Variants in F8 observed in about 807,000 individuals in gnomAD.
The protein encoded by F8 is antihemophilic factor.
In F8, 12 loss-of-function variants were observed where a neutral mutation model predicts 140.6. The ratio of observed to expected loss-of-function variants is 0.09; its 90% CI spans 0.05 to 0.14. The LOEUF (loss-of-function observed/expected upper bound fraction) is 0.14, where lower values mean the gene tolerates loss of function less well. Among genes scored for constraint, F8 ranks in the 10% least tolerant of loss-of-function variants. The pLI, the probability that F8 is intolerant of heterozygous loss-of-function variation, is 1.00. For missense variants in F8, 1,354 were observed against 1,720.7 expected (o/e 0.79, Z 3.77); for synonymous variants, 585 against 614.6 (o/e 0.95, Z 0.71).
Position 154,931,463 on chromosome X carries a change from T to G in F8, c.2327A>C (p.Asn776Thr). Reference sequence around the variant, plus strand: ...GTCATTTTCTGGAATTGTGGTGGCATTAAATTGCTTTTGCCTAGTGCTAGG... The same window carrying G: ...GTCATTTTCTGGAATTGTGGTGGCAGTAAATTGCTTTTGCCTAGTGCTAGG... ...RHPSTRQKQFNATTIPENDIE... is the reference protein window; with the variant it reads ...RHPSTRQKQFTATTIPENDIE... The change falls in exon 14 of 26, where the codon AAT becomes ACT. Residue 776 changes from asparagine to threonine, a missense_variant. By Grantham distance (65) the Asn-to-Thr change is moderately conservative. Around this residue, in one of 4 missense-constraint regions of F8, gnomAD observed 658 missense variants for 666.5 expected, o/e 0.99. Transcript: ENST00000360256. 18 of 1,211,323 alleles carry G rather than the reference T, an allele frequency of 1.5e-5. No homozygotes were observed. The highest frequency in any genetic ancestry group is 2.0e-5 in the Non-Finnish European group (18 of 894,943).
At chrX:154,945,158 T>A (rs968034386) in intron 13 of F8, among the ~76,000 whole-genome samples, 1 of 110,376 alleles carries the variant, frequency 9.1e-6, no homozygotes, top group Non-Finnish European at 1.9e-5. Flanking sequence ...ACCCTAAAAC[T>A]TAATGTATAA....
At chrX:154,953,155 CAT>C (rs1270715475) in intron 12 of F8, among the ~76,000 whole-genome samples, 2 of 111,740 alleles carry the variant, frequency 1.8e-5, no homozygotes, top group Non-Finnish European at 3.8e-5. Flanking sequence ...AATATATACA[CAT>C]GTGTATGTAT....
chrX:154,905,563 A>G (rs1277927407), intron 15 of F8, among the ~76,000 whole-genome samples: 4 of 111,952 alleles, frequency 3.6e-5, no homozygotes, highest in African/African-American at 6.5e-5. Context: ...ATATTTTCAG[A>G]AAAAAATAAA....
intron 25 of F8, among the ~76,000 whole-genome samples, chrX:154,848,510 C>A (rs2072588791): frequency 8.9e-6 from 1 of 112,652 alleles, no homozygotes; most frequent in South Asian, 3.6e-4. Context: ...CCCTGCCTTG[C>A]AGCCACCTTG....
intron 13 of F8, among the ~76,000 whole-genome samples, chrX:154,945,157 C>T (rs2124078117): frequency 9.1e-6 from 1 of 110,431 alleles, no homozygotes; most frequent in Non-Finnish European, 1.9e-5. Flanking sequence ...TACCCTAAAA[C>T]TTAATGTATA....
intron 1 of F8, among the ~76,000 whole-genome samples, chrX:155,018,074 G>T (rs1481734050): frequency 2.8e-5 from 3 of 107,472 alleles, no homozygotes; most frequent in African/African-American, 1.0e-4. Flanking sequence ...TGCCATGTTG[G>T]CTAGGCTGGT....
At chrX:155,015,285 T>C (rs1344601933) in intron 1 of F8, among the ~76,000 whole-genome samples, 11 of 111,613 alleles carry the variant, frequency 9.9e-5, no homozygotes, top group South Asian at 3.7e-4. Flanking sequence ...GAACTTGAGG[T>C]GGGCAAAGAT....
chrX:154,940,773 G>A (rs782377827), intron 13 of F8, among the ~76,000 whole-genome samples: 3 of 111,950 alleles, frequency 2.7e-5, no homozygotes, highest in South Asian at 7.4e-4. Flanking sequence ...CAGAAAGGTC[G>A]GGTTACCCAC....
In F8 at chrX:154,985,855, G is replaced by A. The variant is rs1224014346; in HGVS notation, c.671-1052C>T. Reference sequence around the variant, plus strand: ...AAAGAGTGATATAATAAAGATGAGAGTAGGGTGTTACAGGGAGCAGAGAGG... The same window carrying A: ...AAAGAGTGATATAATAAAGATGAGAATAGGGTGTTACAGGGAGCAGAGAGG... On this transcript the variant is annotated intron_variant, in intron 5 of 25. Transcript: ENST00000360256. 3.6e-5 allele frequency among the ~76,000 whole-genome samples: 4 copies of A among 112,567 alleles called. No individual in the cohort carries two copies. In the Admixed American group the frequency reaches 3.8e-4, roughly 11 times the overall value.
At chrX:154,921,890 GAAGA>G (rs2073133242) in intron 14 of F8, among the ~76,000 whole-genome samples, 1 of 103,392 alleles carries the variant, frequency 9.7e-6, no homozygotes, top group East Asian at 3.4e-4. Flanking sequence ...GGGGTGGGGG[GAAGA>G]GGGAGGGATA....
intron 14 of F8, among the ~76,000 whole-genome samples, chrX:154,910,744 G>A (rs937396545): frequency 5.4e-5 from 6 of 110,789 alleles, no homozygotes; most frequent in Admixed American, 3.8e-4. Context: ...CCCCCAGCCC[G>A]ACACCCGTAA....
intron 22 of F8, among the ~76,000 whole-genome samples, chrX:154,870,250 A>G (rs1232949482): frequency 4.5e-5 from 5 of 112,135 alleles, no homozygotes; most frequent in Non-Finnish European, 7.5e-5. Flanking sequence ...CAAAAAAAGA[A>G]AATTTCAGGC....
chrX:154,972,312 T>C (rs1345065957), intron 6 of F8, among the ~76,000 whole-genome samples: 7 of 112,021 alleles, frequency 6.2e-5, no homozygotes, highest in African/African-American at 2.3e-4. Flanking sequence ...TGGCCATTTG[T>C]AGGTCTCTTT....
Position 154,956,972 on chromosome X carries a change from A to G in F8, c.1737T>C (p.Asp579=). Residue 579 remains aspartate (D), a synonymous_variant, in exon 11 of 26, where the codon GAT becomes GAC. Coordinates refer to ENST00000360256, the MANE Select transcript of F8 (RefSeq NM_000132.4). ...PLLICYKESV[D]QRGNQIMSDK... ...AAGAACTCACCTGGTTTCCTCTTTGATCTACAGATTCTTTGTAGCAGATGA... is the reference window on the plus strand; with the variant it reads ...AAGAACTCACCTGGTTTCCTCTTTGGTCTACAGATTCTTTGTAGCAGATGA... The G allele has an allele frequency of 5.0e-6, 6 of 1,210,616 alleles. No individual in the cohort carries two copies. The highest frequency in any genetic ancestry group is 6.7e-6 in the Non-Finnish European group (6 of 894,314).
rs1049896496 is a variant in F8, at chrX:154,969,530, T to C, written c.810A>G (p.Lys270=). ...TTCCAATCACATGCCAATAGACTGA[T>C]TTCCTGTGGCATCCAATCAGACCTG... is the stretch of plus-strand genomic sequence containing the variant. ...SLPGLIGCHR[K]SVYWHVIGMG... The change falls in exon 7 of 26, where the codon AAA becomes AAG. Residue 270 remains lysine, a synonymous_variant. Transcript: ENST00000360256. 2.0e-5 allele frequency: 24 copies of C among 1,208,789 alleles called. No homozygotes were observed. The highest frequency in any genetic ancestry group is 2.6e-5 in the Non-Finnish European group (23 of 894,142).
In F8 at chrX:154,930,221, C is replaced by T; in HGVS notation, c.3569G>A (p.Ser1190Asn). 8.3e-7 allele frequency: 1 copy of T among 1,209,052 alleles called. No individual in the cohort carries two copies. Among genetic ancestry groups the T allele is most frequent in the Non-Finnish European group, 1.1e-6 (1 of 894,244 alleles). The change falls in exon 14 of 26, where the codon AGC becomes AAC. Residue 1190 changes from serine to asparagine, a missense_variant. Around this residue, in one of 4 missense-constraint regions of F8, gnomAD observed 658 missense variants for 666.5 expected, o/e 0.99. Coordinates refer to ENST00000360256, the MANE Select transcript of F8 (RefSeq NM_000132.4). ...VGLKEMVFPS[S>N]RNLFLTNLDN... ...CAAGTTAGTAAGAAATAGGTTTCTG[C>T]TGCTTGGAAAAACCATCTCTTTGAG...
At chrX:154,841,788 C>T (rs2072523745) in intron 25 of F8, among the ~76,000 whole-genome samples, 1 of 111,298 alleles carries the variant, frequency 9.0e-6, no homozygotes, top group Admixed American at 9.6e-5. Flanking sequence ...ACTTGCATTC[C>T]TAGCATAAAT....
intron 22 of F8, among the ~76,000 whole-genome samples, chrX:154,868,256 G>A (rs2072746801): frequency 8.9e-6 from 1 of 111,773 alleles, no homozygotes; most frequent in Non-Finnish European, 1.9e-5. Context: ...CTGTTCTCCT[G>A]ATAGTGAGTT....
At chrX:155,013,657 C>G (rs1475718234) in intron 1 of F8, among the ~76,000 whole-genome samples, 3 of 111,947 alleles carry the variant, frequency 2.7e-5, no homozygotes, top group African/African-American at 9.7e-5. Context: ...ACCACCAAAA[C>G]CCTTAACAAA....
Sources: gnomAD v4.1 joint callset for allele counts (sites outside exome capture counted in the v4.1 genomes callset) on GRCh38, gnomAD v4.1.1 for gene constraint, gnomAD v4.1.1 regional missense constraint, MANE v1.5 for transcripts, NCBI Gene and HGNC (gene_info 2026-07-23, HGNC 2026-07-21) for gene names.